Variants in PCBP3 observed in about 807,000 individuals in gnomAD.
PCBP3 encodes poly(rC) binding protein 3, also known as poly(rC)-binding protein 3.
PCBP3 carries 25 observed loss-of-function variants against 52.7 expected under a neutral mutation model. That is an observed-to-expected ratio of 0.47 (90% confidence interval 0.35 to 0.66). The LOEUF is 0.66. Among genes scored for constraint, PCBP3 ranks in the 30% least tolerant of loss-of-function variants. The probability of loss-of-function intolerance (pLI) is 0.01; values close to 1 mark genes in which losing one functional copy is unlikely to be tolerated. For synonymous variants in PCBP3, 162 were observed against 183.0 expected (o/e 0.89, Z 0.93); for missense variants, 391 against 490.3 (o/e 0.80, Z 1.91).
intron 4 of PCBP3, among the ~76,000 whole-genome samples, chr21:45,783,019 A>T (rs1019876721): frequency 6.6e-6 from 1 of 152,200 alleles, no homozygotes; most frequent in Non-Finnish European, 1.5e-5. Flanking sequence ...TCATATAATG[A>T]CCATTCAGGC....
chr21:45,792,528 A>G (rs1333608582), intron 4 of PCBP3, among the ~76,000 whole-genome samples: 2 of 152,240 alleles, frequency 1.3e-5, no homozygotes, highest in Non-Finnish European at 2.9e-5. Context: ...TCACCTGAGA[A>G]CAGTCATCTA....
rs1032387155 is a variant in PCBP3 at position 45,838,835 on chromosome 21, C to T, written c.-125-11126C>T. 3.9e-5 allele frequency among the ~76,000 whole-genome samples: 6 copies of T among 152,094 alleles called. No individual in the cohort carries two copies. The East Asian group carries it at 1.2e-3, about 29-fold the overall frequency. The stretch of plus-strand genomic sequence containing the variant: ...AGGTCAGTGCCTACAGTCCTTCTCT[C>T]TGTGGTTATAGCTTCAACTGAAATT... On this transcript the variant is annotated intron_variant, in intron 4 of 17. Transcript: ENST00000681687.
chr21:45,870,495 T>G (rs2094956922), intron 5 of PCBP3, among the ~76,000 whole-genome samples: 2 of 152,240 alleles, frequency 1.3e-5, no homozygotes, highest in Non-Finnish European at 2.9e-5. Context: ...CTGCGTCTCC[T>G]GCTTCCCTCC....
At chr21:45,834,515 G>A (rs1046950252) in intron 4 of PCBP3, among the ~76,000 whole-genome samples, 2 of 152,166 alleles carry the variant, frequency 1.3e-5, no homozygotes, top group Admixed American at 6.5e-5. Context: ...GCTTGTCCCC[G>A]TGCCCGCCAA....
At chr21:45,892,900 G>T (rs1438965871) in intron 5 of PCBP3, among the ~76,000 whole-genome samples, 2 of 152,166 alleles carry the variant, frequency 1.3e-5, no homozygotes, top group Non-Finnish European at 2.9e-5. Flanking sequence ...GTGCGTCAGG[G>T]CCACTGTGTG....
intron 13 of PCBP3, among the ~76,000 whole-genome samples, chr21:45,923,896 C>T (rs71334402): frequency 0.01 from 398 of 38,518 alleles, 1 homozygote; most frequent in Admixed American, 0.017. Context: ...CGAGGAGATG[C>T]GAACACCGGG....
chr21:45,888,931 T>G (rs1412637210), intron 5 of PCBP3, among the ~76,000 whole-genome samples: 1 of 152,140 alleles, frequency 6.6e-6, no homozygotes, highest in Non-Finnish European at 1.5e-5. Context: ...GTTTGCACAT[T>G]AAACACACGT....
intron 1 of PCBP3, among the ~76,000 whole-genome samples, chr21:45,660,062 C>T (rs1425348020): frequency 6.6e-6 from 1 of 152,014 alleles, no homozygotes; most frequent in Non-Finnish European, 1.5e-5. Context: ...CCAACTGTTA[C>T]TGTTGAACTG....
At chr21:45,692,440 G>C (rs571598826) in intron 2 of PCBP3, among the ~76,000 whole-genome samples, 48 of 151,494 alleles carry the variant, frequency 3.2e-4, no homozygotes, top group African/African-American at 1.1e-3. Context: ...AAGAATGAAA[G>C]AGGAATTATC....
At chr21:45,711,234 A>G (rs1032097352) in intron 2 of PCBP3, among the ~76,000 whole-genome samples, 1 of 152,204 alleles carries the variant, frequency 6.6e-6, no homozygotes, top group Admixed American at 6.5e-5. Context: ...AAGGAGATAT[A>G]TGTTTGTATA....
intron 4 of PCBP3, among the ~76,000 whole-genome samples, chr21:45,786,632 C>G (rs2091184487): frequency 6.6e-6 from 1 of 152,144 alleles, no homozygotes; most frequent in Non-Finnish European, 1.5e-5. Context: ...ACCTAAGCCA[C>G]AAATAATTTT....
intron 1 of PCBP3, among the ~76,000 whole-genome samples, chr21:45,668,038 G>A (rs62215040): frequency 0.21 from 31,810 of 152,014 alleles, 3,760 homozygotes; most frequent in Middle Eastern, 0.33. Flanking sequence ...GACCCCATGT[G>A]TGTAACCTAC....
Position 45,643,738 on chromosome 21 carries a change from C to CAGCCGCCTT in PCBP3, c.-403_-402insCTTAGCCGC, listed in dbSNP as rs1287566220. 6.7e-6 allele frequency: 1 copy of CAGCCGCCTT among 148,542 alleles called. No individual in the cohort carries two copies. Among genetic ancestry groups the CAGCCGCCTT allele is most frequent in the Non-Finnish European group, 1.5e-5 (1 of 66,710 alleles). The allele number at this position is 148,542 out of a possible 1,614,324, so 9.2% of individuals were successfully genotyped here. A position where few individuals can be genotyped will look rare whatever the true frequency, so the allele number is the denominator to read the frequency against. The stretch of plus-strand genomic sequence containing the variant: ...GCCGCGACCGCCGCCTCAGCCGCCT[C>CAGCCGCCTT]AGCCGCGGTCGCCGCCGCTTCGGCT... On this transcript the variant is annotated 5_prime_UTR_variant, in exon 1 of 18. Coordinates refer to ENST00000681687, the MANE Select transcript of PCBP3 (RefSeq NM_001384156.1).
chr21:45,763,982 A>G (rs3367), intron 4 of PCBP3, among the ~76,000 whole-genome samples: 25,404 of 152,276 alleles, frequency 0.17, 2,245 homozygotes, highest in Middle Eastern at 0.32. Context: ...TGAATGTCAT[A>G]CATGGCTTTT....
chr21:45,808,317 G>C (rs1365749287), intron 4 of PCBP3, among the ~76,000 whole-genome samples: 2 of 152,034 alleles, frequency 1.3e-5, no homozygotes, highest in African/African-American at 2.4e-5. Context: ...TTAATATCCA[G>C]AATCTACAAG....
intron 4 of PCBP3, among the ~76,000 whole-genome samples, chr21:45,794,041 A>G (rs2091782757): frequency 6.6e-6 from 1 of 152,234 alleles, no homozygotes; most frequent in Non-Finnish European, 1.5e-5. Flanking sequence ...ATTGGTATGC[A>G]AATTAAAATA....
chr21:45,776,083 T>G (rs777232400), intron 4 of PCBP3, among the ~76,000 whole-genome samples: 1 of 152,220 alleles, frequency 6.6e-6, no homozygotes, highest in Non-Finnish European at 1.5e-5. Flanking sequence ...TTTTCTTTAT[T>G]GACCCAGGAA....
chr21:45,930,062 G>A (rs768517021), intron 14 of PCBP3, 67 bp downstream of exon 14: 115 of 1,171,256 alleles, frequency 9.8e-5, no homozygotes, highest in Non-Finnish European at 1.3e-4. Context: ...TCTGAGCTGT[G>A]TTATTCGGTG....
Position 45,837,496 on chromosome 21 carries a change from G to A in PCBP3, c.-125-12465G>A, listed in dbSNP as rs1044023105. Among the ~76,000 whole-genome samples, 8 of 152,290 alleles carry A rather than the reference G, an allele frequency of 5.3e-5. No individual in the cohort carries two copies. The highest frequency in any genetic ancestry group is 3.4e-3 in the Middle Eastern group (1 of 294). On this transcript the variant is annotated intron_variant, in intron 4 of 17. Coordinates refer to ENST00000681687, the MANE Select transcript of PCBP3 (RefSeq NM_001384156.1). This position sits in a 1 kb window ranked among gnomAD's most constrained non-coding sequence, Gnocchi z 4.1. Reference sequence around the variant, plus strand: ...GCTTCAGGTTATAGGGCATGGCTACGTGCCTGTGGAAATTCTCCTGCGGGC... The same window carrying A: ...GCTTCAGGTTATAGGGCATGGCTACATGCCTGTGGAAATTCTCCTGCGGGC...
Sources: allele counts gnomAD v4.1 joint callset (sites outside exome capture counted in the v4.1 genomes callset), GRCh38; gene constraint gnomAD v4.1.1; non-coding constraint Gnocchi (gnomAD v3.1); transcripts MANE v1.5; gene names NCBI Gene and HGNC (gene_info 2026-07-23, HGNC 2026-07-21).